Variants in MDN1 observed in about 807,000 individuals in gnomAD.
MDN1 encodes the protein midasin AAA ATPase 1, also known as midasin.
In MDN1, 266 loss-of-function variants were observed where a neutral mutation model predicts 669.2. That is an observed-to-expected ratio of 0.40 (90% CI 0.36 to 0.44). MDN1 has a LOEUF of 0.44. MDN1 is among the 20% of genes least tolerant of loss of function. MDN1 has a pLI of 1.00. For missense variants in MDN1, 5,940 were observed against 6,754.0 expected, an observed-to-expected ratio of 0.88 and a Z score of 4.22; for synonymous variants, 2,385 against 2,457.1, an observed-to-expected ratio of 0.97 and a Z score of 0.87.
chr6:89,670,170 A>ATATATTTTTTT (rs1444537561), intron 83 of MDN1, among the ~76,000 whole-genome samples: 20 of 23,402 alleles, frequency 8.5e-4, no homozygotes, highest in African/African-American at 3.8e-3. Context: ...ATATATATAT[A>ATATATTTTTTT]TTTTTTTTTT....
At chr6:89,648,424 A>AT (rs1808625390) in intron 97 of MDN1, 95 bp from the exon 98 acceptor site, 2 of 1,244,888 alleles carry the variant, frequency 1.6e-6, no homozygotes, top group Non-Finnish European at 2.3e-6. Flanking sequence ...CAAAGAAAAC[A>AT]TTTTTTTGTT....
At chr6:89,756,195 A>T (rs1434600547) in intron 20 of MDN1, 82 bp downstream of exon 20, 2 of 603,118 alleles carry the variant, frequency 3.3e-6, no homozygotes, top group South Asian at 3.3e-5. Context: ...GTAAAAAAGA[A>T]TACATATTTG....
At chr6:89,719,979 T>C (rs1184132685) in intron 40 of MDN1, among the ~76,000 whole-genome samples, 1 of 151,602 alleles carries the variant, frequency 6.6e-6, no homozygotes, top group Non-Finnish European at 1.5e-5. Flanking sequence ...TAGAGGTATA[T>C]AAAAAACATT....
chr6:89,730,493 G>A (rs1340164628), intron 35 of MDN1, among the ~76,000 whole-genome samples: 1 of 152,098 alleles, frequency 6.6e-6, no homozygotes, highest in South Asian at 2.1e-4. Context: ...AAAAAAATAA[G>A]CACTGTATAA....
chr6:89,785,844 A>G (rs1238406907), intron 8 of MDN1, among the ~76,000 whole-genome samples: 1 of 152,186 alleles, frequency 6.6e-6, no homozygotes, highest in Non-Finnish European at 1.5e-5. Context: ...CACTATCTCT[A>G]TAAATAAAAT....
In MDN1 at chr6:89,803,477, C is replaced by G. The variant is rs150914419; in HGVS notation, c.180G>C (p.Leu60=). 2 of 1,614,166 alleles carry G rather than the reference C, an allele frequency of 1.2e-6. No individual in the cohort carries two copies. The highest frequency in any genetic ancestry group is 1.7e-6 in the Non-Finnish European group (2 of 1,180,024). ...GGAGAGGGCGAAGCTGGCGACCAAC[C>G]AGCACAGTACAGTCCTTATCCAAAA... is the stretch of plus-strand genomic sequence containing the variant. ...QLLLDKDCTV[L]VGRQLRPLLL... is the part of the protein sequence containing the mutation. The change falls in exon 2 of 102, where the codon CTG becomes CTC. Residue 60 remains leucine, a synonymous_variant. Coordinates refer to ENST00000369393, the MANE Select transcript of MDN1 (RefSeq NM_014611.3).
At chr6:89,767,615 A>G (rs1212658170) in intron 15 of MDN1, among the ~76,000 whole-genome samples, 1 of 151,986 alleles carries the variant, frequency 6.6e-6, no homozygotes, top group Admixed American at 6.6e-5. Context: ...AAATTATCCG[A>G]CATGGTGGTA....
chr6:89,644,960 T>C (rs1208727065), intron 101 of MDN1, 55 bp downstream of exon 101: 4 of 1,539,098 alleles, frequency 2.6e-6, no homozygotes, highest in African/African-American at 2.7e-5. Context: ...ATTGAACAGG[T>C]TGAAGGGAAT....
chr6:89,705,152 C>T lies in MDN1; in HGVS notation c.8148+907G>A, dbSNP rs112007406. On this transcript the variant is annotated intron_variant, in intron 53 of 101. Coordinates refer to ENST00000369393, the MANE Select transcript of MDN1 (RefSeq NM_014611.3). ...TACAGAGACTTGCAGGAATGTACAA[C>T]AGTTCCACATTTCTCAAATTTTACT... Among the ~76,000 whole-genome samples the T allele has an allele frequency of 5.7e-3, 872 of 152,320 alleles. 9 individuals are homozygous for T. Among genetic ancestry groups the T allele is most frequent in the African/African-American group, 0.02 (835 of 41,550 alleles).
At chr6:89,746,614 AG>A (rs1562173030) in intron 27 of MDN1, among the ~76,000 whole-genome samples, 21 of 7,942 alleles carry the variant, frequency 2.6e-3, no homozygotes, top group East Asian at 9.0e-3. Context: ...AAAAAAAAAA[AG>A]AAAGAAAGAA....
chr6:89,708,200 G>A (rs1400528077), intron 51 of MDN1, among the ~76,000 whole-genome samples: 1 of 152,196 alleles, frequency 6.6e-6, no homozygotes, highest in Non-Finnish European at 1.5e-5. Context: ...GTACTTGGGA[G>A]GCTGAGGTGG....
At chr6:89,705,243 A>G (rs1296392826) in intron 53 of MDN1, among the ~76,000 whole-genome samples, 1 of 152,144 alleles carries the variant, frequency 6.6e-6, no homozygotes, top group Non-Finnish European at 1.5e-5. Flanking sequence ...TTGCTACTGT[A>G]TTTTTAAGCA....
At position 89,793,776 on chromosome 6, in the gene MDN1, C is replaced by T. The variant is rs767220876; in HGVS notation, c.841G>A (p.Ala281Thr). 4 of 1,613,704 alleles carry T rather than the reference C, an allele frequency of 2.5e-6. No individual in the cohort carries two copies. The South Asian group carries it at 3.3e-5, about 13-fold the overall frequency. ...TACCAACATACCAGCTCTCCAGGGG[C>T]TGGCAGCTGCCCAGGCAGCACCACA... ...CGVVLPGQLP[A>T]PGELGGNRSS... is the part of the protein sequence containing the mutation. The change falls in exon 5 of 102, where the codon GCC (alanine) becomes ACC (threonine). Residue 281 changes from alanine to threonine, a missense_variant. By Grantham distance (58) the Ala-to-Thr change is moderately conservative (BLOSUM62 0). Around this residue, in one of 5 missense-constraint regions of MDN1, gnomAD observed 1,203 missense variants for 1,268.9 expected, o/e 0.95. Transcript: ENST00000369393.
At chr6:89,727,801 A>G (rs759451620) in intron 37 of MDN1, 32 bp downstream of exon 37, 17 of 1,612,004 alleles carry the variant, frequency 1.1e-5, no homozygotes, top group Non-Finnish European at 8.5e-7. Flanking sequence ...ACACATGATC[A>G]CCGTCTTGGG....
chr6:89,662,291 C>T (rs1809847034), intron 86 of MDN1, 52 bp from the exon 87 acceptor site: 2 of 1,564,352 alleles, frequency 1.3e-6, no homozygotes, highest in South Asian at 1.2e-5. Context: ...CAAGAAACTG[C>T]TTCTGCATGG....
chr6:89,819,453 C>A, intron 1 of MDN1, 53 bp downstream of exon 1: 1 of 1,510,254 alleles, frequency 6.6e-7, no homozygotes, highest in Middle Eastern at 1.7e-4. Context: ...AGGAAGCTTA[C>A]TAGTGGGGCG....
rs762354507 is a variant in MDN1 at position 89,718,363 on chromosome 6, T to C, written c.6583+3A>G. 5 of 1,612,752 alleles carry C rather than the reference T, an allele frequency of 3.1e-6. No homozygotes were observed. In the African/African-American group the frequency reaches 4.0e-5, roughly 13 times the overall value. ...CCTGATACAGAGATCCAAATATACA[T>C]ACCTGCCTTGCAGTATGAGTTGATT... On this transcript the variant is annotated splice_donor_region_variant and intron_variant, in intron 43 of 101. Coordinates refer to ENST00000369393, the MANE Select transcript of MDN1 (RefSeq NM_014611.3).
chr6:89,670,493 A>G (rs1267969529), intron 83 of MDN1, among the ~76,000 whole-genome samples: 2 of 152,096 alleles, frequency 1.3e-5, no homozygotes, highest in Non-Finnish European at 2.9e-5. Flanking sequence ...CACTCTAATA[A>G]TAACAGGCCC....
At chr6:89,798,637 C>T (rs888060330) in intron 2 of MDN1, among the ~76,000 whole-genome samples, 1 of 151,854 alleles carries the variant, frequency 6.6e-6, no homozygotes, top group Non-Finnish European at 1.5e-5. Context: ...TAAAAATAAA[C>T]AAAAAATAAA....
Sources: allele counts gnomAD v4.1 joint callset (sites outside exome capture counted in the v4.1 genomes callset), GRCh38; gene constraint gnomAD v4.1.1; regional missense constraint gnomAD v4.1.1; transcripts MANE v1.5; gene names NCBI Gene and HGNC (gene_info 2026-07-23, HGNC 2026-07-21).